Variants in ATP10B observed in about 807,000 individuals in gnomAD.
ATP10B encodes the protein ATPase phospholipid transporting 10B (putative).
ATP10B carries 122 observed loss-of-function variants against 141.2 expected under a neutral mutation model. That is an observed-to-expected ratio of 0.86 (90% confidence interval 0.75 to 1.00). The LOEUF (loss-of-function observed/expected upper bound fraction) is 1.00, where lower values mean the gene tolerates loss of function less well. Among genes scored for constraint, ATP10B ranks in the 50% least tolerant of loss-of-function variants. The pLI is 0.00. For synonymous variants in ATP10B, 685 were observed against 692.0 expected (o/e 0.99, Z 0.16); for missense variants, 1,876 against 1,825.3 (o/e 1.03, Z -0.51).
intron 24 of ATP10B, among the ~76,000 whole-genome samples, chr5:160,582,272 C>T (rs1211320289): frequency 6.6e-6 from 1 of 152,182 alleles, no homozygotes; most frequent in African/African-American, 2.4e-5. Flanking sequence ...TATGTTTTTG[C>T]AGTGGCTGCT....
intron 1 of ATP10B, among the ~76,000 whole-genome samples, chr5:160,800,649 G>A (rs1165911796): frequency 6.6e-6 from 1 of 152,180 alleles, no homozygotes; most frequent in Non-Finnish European, 1.5e-5. Context: ...GAGAATCTTG[G>A]ATCTTGTTTA....
intron 22 of ATP10B, among the ~76,000 whole-genome samples, chr5:160,597,254 A>G (rs573856663): frequency 3.9e-5 from 6 of 152,246 alleles, no homozygotes; most frequent in Non-Finnish European, 8.8e-5. Context: ...ATCTACAACT[A>G]TCTGATCTTT....
At chr5:160,884,389 A>G in the ATP10B span, among the ~76,000 whole-genome samples, 2 of 152,226 alleles carry the variant, frequency 1.3e-5, no homozygotes. Flanking sequence ...ATAAAGATGT[A>G]TAAAGATGTT....
chr5:160,650,678 CTTAG>C, intron 7 of ATP10B, among the ~76,000 whole-genome samples: 1 of 152,136 alleles, frequency 6.6e-6, no homozygotes, highest in East Asian at 1.9e-4. Context: ...GGACCCAGAC[CTTAG>C]TTATAGATTA....
intron 3 of ATP10B, among the ~76,000 whole-genome samples, chr5:160,696,113 AT>A (rs550703967): frequency 6.6e-6 from 1 of 151,112 alleles, no homozygotes; most frequent in African/African-American, 2.4e-5. Context: ...AAAAGCTTCA[AT>A]TTTTTTTTCA....
chr5:160,669,515 C>G (rs1356891753), intron 7 of ATP10B, among the ~76,000 whole-genome samples: 1 of 151,546 alleles, frequency 6.6e-6, no homozygotes, highest in African/African-American at 2.4e-5. Flanking sequence ...TCCATGATGT[C>G]TGAGGTACCA....
intron 3 of ATP10B, among the ~76,000 whole-genome samples, chr5:160,697,752 C>T (rs190497795): frequency 5.3e-4 from 80 of 152,152 alleles, no homozygotes; most frequent in African/African-American, 1.9e-3. Context: ...AAATGTAATC[C>T]TATAGAATGG....
intron 20 of ATP10B, 153 bp from the exon 21 acceptor site, chr5:160,602,855 T>A: frequency 1.1e-6 from 1 of 921,688 alleles, no homozygotes; most frequent in Non-Finnish European, 1.6e-6. Context: ...TTTTGGATTC[T>A]GACACCCCAC....
intron 2 of ATP10B, among the ~76,000 whole-genome samples, chr5:160,783,994 G>A (rs1770950118): frequency 6.6e-6 from 1 of 152,008 alleles, no homozygotes; most frequent in African/African-American, 2.4e-5. Flanking sequence ...GGCTCATCAG[G>A]GAACTGAAAT....
intron 1 of ATP10B, among the ~76,000 whole-genome samples, chr5:160,801,861 G>A (rs1192455952): frequency 6.6e-6 from 1 of 152,190 alleles, no homozygotes; most frequent in African/African-American, 2.4e-5. Context: ...CTTCGAAACA[G>A]ATTGGGAAGC....
intron 17 of ATP10B, chr5:160,614,285 CATTT>C (rs1757883457): frequency 2.0e-5 from 3 of 152,184 alleles, no homozygotes; most frequent in South Asian, 4.2e-4. Flanking sequence ...AGGAAAAACA[CATTT>C]ATTTGTGTGA....
intron 16 of ATP10B, 104 bp downstream of exon 16, chr5:160,617,760 A>T: frequency 3.9e-6 from 4 of 1,029,870 alleles, no homozygotes; most frequent in Admixed American, 4.6e-5. Flanking sequence ...TGAAAATGTT[A>T]AAACAACCAC....
chr5:160,811,063 C>A (rs1286955188), intron 1 of ATP10B, among the ~76,000 whole-genome samples: 1 of 152,188 alleles, frequency 6.6e-6, no homozygotes, highest in African/African-American at 2.4e-5. Flanking sequence ...TCTAGACACA[C>A]CCTGGGCCAG....
chr5:160,805,663 T>C (rs1347043655), intron 1 of ATP10B, among the ~76,000 whole-genome samples: 1 of 152,110 alleles, frequency 6.6e-6, no homozygotes, highest in East Asian at 1.9e-4. Context: ...TGTGAGGCAC[T>C]TAAGAGCATT....
intron 8 of ATP10B, 49 bp downstream of exon 8, chr5:160,649,122 T>A: frequency 2.3e-6 from 3 of 1,325,698 alleles, no homozygotes; most frequent in Non-Finnish European, 3.3e-6. Flanking sequence ...ATATATTTTC[T>A]AGCTGCAGCG....
At chr5:160,926,498 A>G in the ATP10B span, among the ~76,000 whole-genome samples, 1 of 152,252 alleles carries the variant, frequency 6.6e-6, no homozygotes, top group Non-Finnish European at 1.5e-5. Flanking sequence ...GAGACTTAAA[A>G]ACAGGATCAC....
chr5:160,574,167 C>T (rs149160943), intron 24 of ATP10B, among the ~76,000 whole-genome samples: 2 of 152,276 alleles, frequency 1.3e-5, no homozygotes, highest in African/African-American at 2.4e-5. Flanking sequence ...CGGTGGCTCA[C>T]GCCTGTAATC....
At chr5:160,708,059 T>A (rs12522186) in intron 3 of ATP10B, among the ~76,000 whole-genome samples, 31,900 of 152,014 alleles carry the variant, frequency 0.21, 4,177 homozygotes, top group East Asian at 0.7. Context: ...CAAGAGACCA[T>A]GGATGTTTAG....
the ATP10B span, among the ~76,000 whole-genome samples, chr5:160,909,029 TGGG>T: frequency 6.6e-6 from 1 of 152,158 alleles, no homozygotes. Flanking sequence ...TGCGAGGCTC[TGGG>T]GAATGAATGG....
Sources: gnomAD v4.1 joint callset for allele counts (sites outside exome capture counted in the v4.1 genomes callset) on GRCh38, gnomAD v4.1.1 for gene constraint, MANE v1.5 for transcripts, NCBI Gene and HGNC (gene_info 2026-07-23, HGNC 2026-07-21) for gene names.